Variants in EGF observed in about 807,000 individuals in gnomAD.
EGF encodes pro-epidermal growth factor.
Under a neutral mutation model 143.8 loss-of-function variants are expected in EGF, and 95 were observed. The observed-to-expected ratio is 0.66, with a 90% confidence interval of 0.56 to 0.78. EGF has a LOEUF of 0.78. Ranked by LOEUF, EGF falls within the 30% of genes least tolerant of loss-of-function variation. EGF has a pLI of 0.00. For synonymous variants in EGF, 510 were observed against 510.5 expected (o/e 1.00, Z 0.01); for missense variants, 1,320 against 1,470.9 (o/e 0.90, Z 1.68).
intron 2 of EGF, among the ~76,000 whole-genome samples, chr4:109,942,922 C>A (rs535082564): frequency 3.3e-5 from 5 of 152,304 alleles, no homozygotes; most frequent in Non-Finnish European, 7.4e-5. Flanking sequence ...AATAAGCTGT[C>A]TGTATGGTTG....
intron 5 of EGF, among the ~76,000 whole-genome samples, chr4:109,952,994 T>G (rs1018596443): frequency 1.3e-5 from 2 of 152,248 alleles, no homozygotes; most frequent in African/African-American, 4.8e-5. Flanking sequence ...ATTAGTCCTA[T>G]AGAATTTTTC....
chr4:109,992,906 T>A (rs1329876169), intron 18 of EGF, among the ~76,000 whole-genome samples: 2 of 130,858 alleles, frequency 1.5e-5, no homozygotes, highest in Non-Finnish European at 3.1e-5. Flanking sequence ...ATGAGAACAC[T>A]TGGACACAGG....
intron 1 of EGF, among the ~76,000 whole-genome samples, chr4:109,940,299 A>G (rs1332687406): frequency 6.6e-6 from 1 of 152,170 alleles, no homozygotes; most frequent in Non-Finnish European, 1.5e-5. Context: ...ATTTCAGGTA[A>G]ATAGAGAACA....
chr4:109,978,061 T>G (rs1578324311), intron 13 of EGF, among the ~76,000 whole-genome samples: 3 of 152,238 alleles, frequency 2.0e-5, no homozygotes, highest in East Asian at 3.8e-4. Flanking sequence ...TATATTAAAT[T>G]ATGTAAGTAA....
At chr4:110,009,732 A>G (rs1415326701) in intron 23 of EGF, among the ~76,000 whole-genome samples, 2 of 152,032 alleles carry the variant, frequency 1.3e-5, no homozygotes, top group East Asian at 3.9e-4. Context: ...GTGGGGGGAG[A>G]TTGAGTGAGG....
chr4:109,945,346 A>G (rs1006458483), intron 5 of EGF, 71 bp downstream of exon 5: 2 of 1,519,012 alleles, frequency 1.3e-6, no homozygotes, highest in South Asian at 1.2e-5. Context: ...GAGCCAGACA[A>G]TGAGGCGTTG....
chr4:109,968,817 C>G (rs1747082730), intron 10 of EGF, 154 bp from the exon 11 acceptor site: 1 of 858,180 alleles, frequency 1.2e-6, no homozygotes, highest in Non-Finnish European at 1.9e-6. Context: ...TTACACGTAT[C>G]TGGGAAGCAG....
intron 20 of EGF, among the ~76,000 whole-genome samples, chr4:109,999,249 G>C (rs1303523654): frequency 6.6e-6 from 1 of 152,124 alleles, no homozygotes; most frequent in Non-Finnish European, 1.5e-5. Context: ...CTGGTTTCAA[G>C]TGAGGAACTC....
chr4:109,956,024 T>C (rs1744734731), intron 5 of EGF, among the ~76,000 whole-genome samples: 1 of 152,198 alleles, frequency 6.6e-6, no homozygotes, highest in South Asian at 2.1e-4. Flanking sequence ...GAGACAATAG[T>C]TGTTTTCTTC....
At chr4:109,921,925 T>A (rs374183903) in intron 1 of EGF, among the ~76,000 whole-genome samples, 3 of 151,746 alleles carry the variant, frequency 2.0e-5, no homozygotes, top group African/African-American at 7.3e-5. Context: ...ACATGCCGGT[T>A]GACACCAATC....
At chr4:109,993,225 C>T (rs746145071) in intron 18 of EGF, 22 bp from the exon 19 acceptor site, 32 of 1,612,938 alleles carry the variant, frequency 2.0e-5, no homozygotes, top group Middle Eastern at 1.8e-4. Flanking sequence ...TTTTCTCTCC[C>T]GTACTCTGTC....
intron 20 of EGF, among the ~76,000 whole-genome samples, chr4:109,997,031 T>C (rs1328036108): frequency 6.6e-6 from 1 of 152,104 alleles, no homozygotes; most frequent in Non-Finnish European, 1.5e-5. Context: ...CATCGTCTTA[T>C]TATTACTCAA....
intron 22 of EGF, among the ~76,000 whole-genome samples, chr4:110,005,316 A>T (rs1578407701): frequency 6.6e-6 from 1 of 151,714 alleles, no homozygotes; most frequent in Non-Finnish European, 1.5e-5. Flanking sequence ...AAAGTGCTGG[A>T]ATTGCAGGCA....
chr4:110,004,434 C>T (rs1460905496), intron 21 of EGF, 71 bp from the exon 22 acceptor site: 20 of 1,323,994 alleles, frequency 1.5e-5, no homozygotes, highest in Non-Finnish European at 2.0e-5. Context: ...TTAGTTGTCC[C>T]TGATCATCAC....
intron 20 of EGF, among the ~76,000 whole-genome samples, chr4:109,997,777 C>T (rs573298198): frequency 6.6e-5 from 10 of 152,040 alleles, no homozygotes; most frequent in Admixed American, 1.3e-4. Flanking sequence ...GTGGGAGAAT[C>T]GCTTGAGCCC....
chr4:109,999,608 T>A, intron 20 of EGF, 71 bp from the exon 21 acceptor site: 1 of 1,588,320 alleles, frequency 6.3e-7, no homozygotes, highest in Admixed American at 1.7e-5. Flanking sequence ...GACAGCTGAA[T>A]ACTGAGTGTC....
rs150311153 is a variant in EGF at position 109,963,227 on chromosome 4, C to T, written c.1367C>T (p.Pro456Leu). The T allele has an allele frequency of 5.6e-6, 9 of 1,613,960 alleles. No homozygotes were observed. The highest frequency in any genetic ancestry group is 7.6e-6 in the Non-Finnish European group (9 of 1,179,954). Residue 456 changes from proline (P) to leucine (L), a missense_variant, in exon 9 of 24, where the codon CCA becomes CTA. Pro to Leu is a moderately conservative substitution (Grantham distance 98). Coordinates refer to ENST00000265171, the MANE Select transcript of EGF (RefSeq NM_001963.6). ...GCSQLCVPLSPVSWECDCFPG... is the reference protein window; with the variant it reads ...GCSQLCVPLSLVSWECDCFPG... ...AGCCAGCTCTGCGTTCCTCTTAGCCCAGTATCCTGGGAATGTGATTGCTTT... is the reference window on the plus strand; with the variant it reads ...AGCCAGCTCTGCGTTCCTCTTAGCCTAGTATCCTGGGAATGTGATTGCTTT...
chr4:109,974,915 T>A (rs933014920), intron 12 of EGF, 108 bp downstream of exon 12: 1 of 781,772 alleles, frequency 1.3e-6, no homozygotes, highest in Non-Finnish European at 2.2e-6. Flanking sequence ...TGCAATTTGT[T>A]CAAATCTTCA....
chr4:109,997,470 CT>C (rs1440949642), intron 20 of EGF, among the ~76,000 whole-genome samples: 1 of 149,876 alleles, frequency 6.7e-6, no homozygotes, highest in Non-Finnish European at 1.5e-5. Flanking sequence ...TTTTTTTTTT[CT>C]TTTTTTTTGT....
Sources: gnomAD v4.1 joint callset for allele counts (sites outside exome capture counted in the v4.1 genomes callset) on GRCh38, gnomAD v4.1.1 for gene constraint, MANE v1.5 for transcripts, NCBI Gene and HGNC (gene_info 2026-07-23, HGNC 2026-07-21) for gene names.